The following OR5A1 variants were observed in gnomAD, a reference collection of about 807,000 sequenced individuals.
The protein encoded by OR5A1 is olfactory receptor family 5 subfamily A member 1.
OR5A1 carries 6 observed loss-of-function variants against 6.7 expected under a neutral mutation model. The ratio of observed to expected loss-of-function variants is 0.89; its 90% CI spans 0.49 to 1.76. The LOEUF is 1.76. OR5A1 is among the 40% of genes most tolerant of loss of function. The pLI is 0.01. For synonymous variants in OR5A1, 170 were observed against 155.0 expected (o/e 1.10, Z -0.72); for missense variants, 378 against 381.7 (o/e 0.99, Z 0.08).
At position 59,444,284 on chromosome 11, in the gene OR5A1, G is replaced by C; in HGVS notation, c.*168G>C. On this transcript the variant is annotated 3_prime_UTR_variant, in exon 2 of 2. Transcript: ENST00000641045. ...TCATGGTCACTTGTCTACTGACTGTGCCATAGATAGCCAAAAAGGGAAGGA... is the reference window on the plus strand; with the variant it reads ...TCATGGTCACTTGTCTACTGACTGTCCCATAGATAGCCAAAAAGGGAAGGA... 4.3e-6 allele frequency: 1 copy of C among 235,080 alleles called. No homozygotes were observed. The highest frequency in any genetic ancestry group is 8.0e-6 in the Non-Finnish European group (1 of 125,702). 14.6% of individuals were successfully genotyped at this position (235,080 alleles called of 1,614,324 possible). A position where few individuals can be genotyped will look rare whatever the true frequency, so the allele number is the denominator to read the frequency against.
chr11:59,439,955 T>C (rs1271410692), intron 1 of OR5A1, among the ~76,000 whole-genome samples: 17 of 152,252 alleles, frequency 1.1e-4, no homozygotes, highest in Admixed American at 1.1e-3. Flanking sequence ...TTGCTGCTGA[T>C]AACAATCACA....
At position 59,446,634 on chromosome 11, in the gene OR5A1, TTGCAGCCC is replaced by T. The variant is rs375992984; in HGVS notation, c.*2519_*2526del. 77 of 152,296 alleles carry T rather than the reference TTGCAGCCC, an allele frequency of 5.1e-4. No homozygotes were observed. The highest frequency in any genetic ancestry group is 1.6e-3 in the African/African-American group (67 of 41,550). 9.4% of individuals were successfully genotyped at this position (152,296 alleles called of 1,614,324 possible). A position where few individuals can be genotyped will look rare whatever the true frequency, so the allele number is the denominator to read the frequency against. On this transcript the variant is annotated 3_prime_UTR_variant, in exon 2 of 2. Transcript: ENST00000641045. The stretch of plus-strand genomic sequence containing the variant: ...TTTCTCCTCTTGAATAAATTAAACC[TTGCAGCCC>T]ACATTGGGTGTAATTTATTTGCCAT...
intron 1 of OR5A1, among the ~76,000 whole-genome samples, chr11:59,437,684 A>G (rs1235695228): frequency 6.6e-6 from 1 of 152,234 alleles, no homozygotes; most frequent in Non-Finnish European, 1.5e-5. Context: ...GCTTTCTCCA[A>G]TTCAAAATTG....
chr11:59,440,141 G>A (rs988326407), intron 1 of OR5A1, among the ~76,000 whole-genome samples: 4 of 152,140 alleles, frequency 2.6e-5, no homozygotes, highest in Admixed American at 2.6e-4. Flanking sequence ...ACAACTAACT[G>A]CAGCCTCAAC....
rs982609857 is a variant in OR5A1 at position 59,450,749 on chromosome 11, T to C, written c.*6633T>C. Reference sequence around the variant, plus strand: ...AGACTTCTAGCCATGTAGATATTTTTCCCAAAAATAACATCATGTGACATA... The same window carrying C: ...AGACTTCTAGCCATGTAGATATTTTCCCCAAAAATAACATCATGTGACATA... On this transcript the variant is annotated 3_prime_UTR_variant, in exon 2 of 2. Coordinates refer to ENST00000641045, the MANE Select transcript of OR5A1 (RefSeq NM_001004728.2). The C allele has an allele frequency of 5.9e-5, 9 of 152,174 alleles. No homozygotes were observed. Among genetic ancestry groups the C allele is most frequent in the African/African-American group, 2.2e-4 (9 of 41,442 alleles). 9.4% of individuals were successfully genotyped at this position (152,174 alleles called of 1,614,324 possible). A position where few individuals can be genotyped will look rare whatever the true frequency, so the allele number is the denominator to read the frequency against.
In OR5A1 at chr11:59,447,550, C is replaced by G. The variant is rs984611955; in HGVS notation, c.*3434C>G. 6.6e-6 allele frequency: 1 copy of G among 152,124 alleles called. No individual in the cohort carries two copies. The highest frequency in any genetic ancestry group is 1.5e-5 in the Non-Finnish European group (1 of 68,034). The allele number at this position is 152,124 out of a possible 1,614,324, so 9.4% of individuals were successfully genotyped here. On this transcript the variant is annotated 3_prime_UTR_variant, in exon 2 of 2. Coordinates refer to ENST00000641045, the MANE Select transcript of OR5A1 (RefSeq NM_001004728.2). ...AAAATTTACAGGCATTTTACCATTA[C>G]AAGGGAAATTCAAGAAAGAATATGA...
In OR5A1 at chr11:59,443,232, G is replaced by T. The variant is rs1248224070; in HGVS notation, c.64G>T (p.Asp22Tyr). The T allele has an allele frequency of 6.2e-7, 1 of 1,614,072 alleles. No homozygotes were observed. Among genetic ancestry groups the T allele is most frequent in the Admixed American group, 1.7e-5 (1 of 60,008 alleles). Reference sequence around the variant, plus strand: ...CATGTTCATCCTCCTGGGATTCACAGACCATCCAGAACTCCAGGCCCTCCT... The same window carrying T: ...CATGTTCATCCTCCTGGGATTCACATACCATCCAGAACTCCAGGCCCTCCT... ...VTMFILLGFT[D>Y]HPELQALLFV... Residue 22 changes from aspartate (D) to tyrosine (Y), a missense_variant, in exon 2 of 2, where the codon GAC becomes TAC. Coordinates refer to ENST00000641045, the MANE Select transcript of OR5A1 (RefSeq NM_001004728.2).
rs1413260084 is a variant in OR5A1, at chr11:59,450,718, C to CT, written c.*6606dup. 4 of 152,120 alleles carry CT rather than the reference C, an allele frequency of 2.6e-5. No homozygotes were observed. Among genetic ancestry groups the CT allele is most frequent in the Non-Finnish European group, 5.9e-5 (4 of 68,030 alleles). 9.4% of individuals were successfully genotyped at this position (152,120 alleles called of 1,614,324 possible). On this transcript the variant is annotated 3_prime_UTR_variant, in exon 2 of 2. Transcript: ENST00000641045. ...CTACTGTTGTGATATATTAATACATCTTTTCAGACTTCTAGCCATGTAGAT... is the reference window on the plus strand; with the variant it reads ...CTACTGTTGTGATATATTAATACATCTTTTTCAGACTTCTAGCCATGTAGAT...
chr11:59,437,416 T>C (rs1858429094), intron 1 of OR5A1, among the ~76,000 whole-genome samples: 1 of 152,194 alleles, frequency 6.6e-6, no homozygotes, highest in Admixed American at 6.6e-5. Flanking sequence ...GTCTTATAGG[T>C]GGAATCATAC....
Position 59,436,574 on chromosome 11 carries a change from T to C in OR5A1, c.-295T>C, listed in dbSNP as rs1364121006. The C allele has an allele frequency of 1.3e-5, 2 of 152,240 alleles. No homozygotes were observed. The highest frequency in any genetic ancestry group is 2.4e-5 in the African/African-American group (1 of 41,450). The allele number at this position is 152,240 out of a possible 1,614,324, so 9.4% of individuals were successfully genotyped here. ...GACCCTAAATGCAGATATTAGCTGA[T>C]GCCAGAAGAGCTTCTTAAAGATTAC... On this transcript the variant is annotated 5_prime_UTR_variant, in exon 1 of 2. An upstream start codon of the reference 5' UTR is lost. Transcript: ENST00000641045.
At position 59,450,657 on chromosome 11, in the gene OR5A1, A is replaced by G. The variant is rs185654458; in HGVS notation, c.*6541A>G. Reference sequence around the variant, plus strand: ...ACAACAGAACGTCTTTTTAAAATAAAAATGCCAAAATCCAATTACCAACAG... The same window carrying G: ...ACAACAGAACGTCTTTTTAAAATAAGAATGCCAAAATCCAATTACCAACAG... On this transcript the variant is annotated 3_prime_UTR_variant, in exon 2 of 2. Coordinates refer to ENST00000641045, the MANE Select transcript of OR5A1 (RefSeq NM_001004728.2). 5 of 152,318 alleles carry G rather than the reference A, an allele frequency of 3.3e-5. No homozygotes were observed. Among genetic ancestry groups the G allele is most frequent in the Non-Finnish European group, 5.9e-5 (4 of 68,034 alleles). The allele number at this position is 152,318 out of a possible 1,614,324, so 9.4% of individuals were successfully genotyped here.
rs1021146021 is a variant in OR5A1 at position 59,446,883 on chromosome 11, A to G, written c.*2767A>G. On this transcript the variant is annotated 3_prime_UTR_variant, in exon 2 of 2. Coordinates refer to ENST00000641045, the MANE Select transcript of OR5A1 (RefSeq NM_001004728.2). Reference sequence around the variant, plus strand: ...TAACAGAATTAATTATTTCCTCCATATCTGGAAGAACATAAACAATGCATA... The same window carrying G: ...TAACAGAATTAATTATTTCCTCCATGTCTGGAAGAACATAAACAATGCATA... 10 of 152,172 alleles carry G rather than the reference A, an allele frequency of 6.6e-5. No individual in the cohort carries two copies. Among genetic ancestry groups the G allele is most frequent in the Non-Finnish European group, 1.0e-4 (7 of 68,032 alleles). The allele number at this position is 152,172 out of a possible 1,614,324, so 9.4% of individuals were successfully genotyped here. A position where few individuals can be genotyped will look rare whatever the true frequency, so the allele number is the denominator to read the frequency against.
At position 59,449,404 on chromosome 11, in the gene OR5A1, A is replaced by G. The variant is rs1055360294; in HGVS notation, c.*5288A>G. On this transcript the variant is annotated 3_prime_UTR_variant, in exon 2 of 2. Transcript: ENST00000641045. ...TGTCCATTTGCAATTCTGGAAGTAT[A>G]TGTCATCTTGAACTAGAAGCTTCAG... is the stretch of plus-strand genomic sequence containing the variant. 1 of 152,226 alleles carries G rather than the reference A, an allele frequency of 6.6e-6. No homozygotes were observed. The highest frequency in any genetic ancestry group is 2.4e-5 in the African/African-American group (1 of 41,458). 9.4% of individuals were successfully genotyped at this position (152,226 alleles called of 1,614,324 possible).
chr11:59,437,430 A>G (rs1565073891), intron 1 of OR5A1, among the ~76,000 whole-genome samples: 1 of 152,114 alleles, frequency 6.6e-6, no homozygotes, highest in Non-Finnish European at 1.5e-5. Flanking sequence ...ATCATACCCT[A>G]CGTAGCCTTT....
chr11:59,444,277 T>C lies in OR5A1; in HGVS notation c.*161T>C. 1 of 413,112 alleles carries C rather than the reference T, an allele frequency of 2.4e-6. No individual in the cohort carries two copies. Among genetic ancestry groups the C allele is most frequent in the South Asian group, 4.9e-5 (1 of 20,526 alleles). 25.6% of individuals were successfully genotyped at this position (413,112 alleles called of 1,614,324 possible). A position where few individuals can be genotyped will look rare whatever the true frequency, so the allele number is the denominator to read the frequency against. On this transcript the variant is annotated 3_prime_UTR_variant, in exon 2 of 2. Coordinates refer to ENST00000641045, the MANE Select transcript of OR5A1 (RefSeq NM_001004728.2). ...CCCTTCCTCATGGTCACTTGTCTACTGACTGTGCCATAGATAGCCAAAAAG... is the reference window on the plus strand; with the variant it reads ...CCCTTCCTCATGGTCACTTGTCTACCGACTGTGCCATAGATAGCCAAAAAG...
rs1238074702 is a variant in OR5A1 at position 59,445,426 on chromosome 11, T to C, written c.*1310T>C. 6.6e-6 allele frequency: 1 copy of C among 152,232 alleles called. No individual in the cohort carries two copies. The highest frequency in any genetic ancestry group is 1.5e-5 in the Non-Finnish European group (1 of 68,032). 9.4% of individuals were successfully genotyped at this position (152,232 alleles called of 1,614,324 possible). A position where few individuals can be genotyped will look rare whatever the true frequency, so the allele number is the denominator to read the frequency against. On this transcript the variant is annotated 3_prime_UTR_variant, in exon 2 of 2. Transcript: ENST00000641045. ...GTCTCTCATTGATGGGAATTTGGGT[T>C]GATTCCATGTCTTTGCTATTGTGAA...
chr11:59,446,522 TCA>T lies in OR5A1; in HGVS notation c.*2409_*2410del, dbSNP rs1858551515. The T allele has an allele frequency of 6.6e-6, 1 of 152,248 alleles. No individual in the cohort carries two copies. Among genetic ancestry groups the T allele is most frequent in the South Asian group, 2.1e-4 (1 of 4,828 alleles). The allele number at this position is 152,248 out of a possible 1,614,324, so 9.4% of individuals were successfully genotyped here. Reference sequence around the variant, plus strand: ...TACCAGTTCAGGACCTGCCTCCATTTCACAGTTTGGTGTCCTTTTTGATCACC... The same window carrying T: ...TACCAGTTCAGGACCTGCCTCCATTTCAGTTTGGTGTCCTTTTTGATCACC... On this transcript the variant is annotated 3_prime_UTR_variant, in exon 2 of 2. Coordinates refer to ENST00000641045, the MANE Select transcript of OR5A1 (RefSeq NM_001004728.2).
Position 59,447,147 on chromosome 11 carries a change from G to C in OR5A1, c.*3031G>C, listed in dbSNP as rs1278088820. On this transcript the variant is annotated 3_prime_UTR_variant, in exon 2 of 2. Coordinates refer to ENST00000641045, the MANE Select transcript of OR5A1 (RefSeq NM_001004728.2). ...ATTGAGTGGAAGCTGACTCAGCATGGCTCCTGAGACTAAACTCATAAACAC... is the reference window on the plus strand; with the variant it reads ...ATTGAGTGGAAGCTGACTCAGCATGCCTCCTGAGACTAAACTCATAAACAC... 1 of 152,184 alleles carries C rather than the reference G, an allele frequency of 6.6e-6. No individual in the cohort carries two copies. Among genetic ancestry groups the C allele is most frequent in the Non-Finnish European group, 1.5e-5 (1 of 68,036 alleles). 9.4% of individuals were successfully genotyped at this position (152,184 alleles called of 1,614,324 possible).
chr11:59,443,577 A>G lies in OR5A1; in HGVS notation c.409A>G (p.Thr137Ala), dbSNP rs776239145. The change falls in exon 2 of 2, where the codon ACT becomes GCT. Residue 137 changes from threonine (T) to alanine (A), a missense_variant. Coordinates refer to ENST00000641045, the MANE Select transcript of OR5A1 (RefSeq NM_001004728.2). The stretch of plus-strand genomic sequence containing the variant: ...CATCTCCAGCCCCCTTCTCTACCCC[A>G]CTATCATGACCCAGGGCCTCTGTAC... ...AAISSPLLYP[T>A]IMTQGLCTRM... 5.6e-6 allele frequency: 9 copies of G among 1,613,308 alleles called. No individual in the cohort carries two copies. In the African/African-American group the frequency reaches 9.4e-5, roughly 17 times the overall value.
Sources: gnomAD v4.1 joint callset for allele counts (sites outside exome capture counted in the v4.1 genomes callset) on GRCh38, gnomAD v4.1.1 for gene constraint, MANE v1.5 for transcripts, NCBI Gene and HGNC (gene_info 2026-07-23, HGNC 2026-07-21) for gene names.